The following ARHGEF4 variants were observed in gnomAD, a reference collection of about 807,000 sequenced individuals.
ARHGEF4 encodes the protein APC-stimulated guanine nucleotide exchange factor 1.
In ARHGEF4, 119 loss-of-function variants were observed where a neutral mutation model predicts 162.0. The observed-to-expected ratio is 0.73, with a 90% CI of 0.63 to 0.86. The LOEUF is 0.86. Among genes scored for constraint, ARHGEF4 ranks in the 40% least tolerant of loss-of-function variants. The pLI, the probability that ARHGEF4 is intolerant of heterozygous loss-of-function variation, is 0.00. For missense variants in ARHGEF4, 2,488 were observed against 2,456.0 expected (o/e 1.01, Z -0.28); for synonymous variants, 1,014 against 979.9 (o/e 1.03, Z -0.65).
chr2:130,869,166 T>C (rs1007048951), intron 1 of ARHGEF4, among the ~76,000 whole-genome samples: 10 of 152,070 alleles, frequency 6.6e-5, no homozygotes, highest in Non-Finnish European at 1.3e-4. Context: ...GATACAGCTG[T>C]CATATTTGAG....
At position 130,836,914 on chromosome 2, in the gene ARHGEF4, G is replaced by A. The variant is rs993102697; in HGVS notation, c.-40G>A. 2 of 1,220,042 alleles carry A rather than the reference G, an allele frequency of 1.6e-6. No homozygotes were observed. Among genetic ancestry groups the A allele is most frequent in the East Asian group, 3.2e-5 (1 of 30,816 alleles). 75.6% of individuals were successfully genotyped at this position (1,220,042 alleles called of 1,614,324 possible). A position where few individuals can be genotyped will look rare whatever the true frequency, so the allele number is the denominator to read the frequency against. ...TGGAGCCGGCTCGGCGGCGCGGCTC[G>A]TAGTGCTGCGGCCGGGCTCCGGGCG... On this transcript the variant is annotated 5_prime_UTR_variant, in exon 1 of 14. Coordinates refer to ENST00000409359, the MANE Select transcript of ARHGEF4 (RefSeq NM_001367493.1).
In ARHGEF4 at chr2:130,889,919, T is replaced by C. The variant is rs535728923; in HGVS notation, c.40-24067T>C. On this transcript the variant is annotated intron_variant, in intron 1 of 13. Transcript: ENST00000409359. Reference sequence around the variant, plus strand: ...CTTTTAGCGTATTGAGATTTCATTCTACTGTTTTCTGGCTCCTATTGATGC... The same window carrying C: ...CTTTTAGCGTATTGAGATTTCATTCCACTGTTTTCTGGCTCCTATTGATGC... 3.2e-4 allele frequency among the ~76,000 whole-genome samples: 49 copies of C among 152,234 alleles called. 1 individual carries two copies. In the South Asian group the frequency reaches 0.01, roughly 32 times the overall value.
intron 4 of ARHGEF4, among the ~76,000 whole-genome samples, chr2:130,986,636 C>T (rs967435259): frequency 2.6e-5 from 4 of 152,126 alleles, no homozygotes; most frequent in East Asian, 1.9e-4. Context: ...GGGTGACCAC[C>T]GGACGGTCTT....
At chr2:131,039,264 T>C (rs1006706853) in intron 6 of ARHGEF4, 2 of 1,292,798 alleles carry the variant, frequency 1.5e-6, no homozygotes, top group Non-Finnish European at 2.0e-6. Context: ...GAGAAATGAG[T>C]GTGTGCAGAC....
At chr2:130,925,940 G>A (rs1386440876) in intron 2 of ARHGEF4, among the ~76,000 whole-genome samples, 1 of 151,740 alleles carries the variant, frequency 6.6e-6, no homozygotes, top group Non-Finnish European at 1.5e-5. Flanking sequence ...CTCTCTTTTG[G>A]ACTCCAGTTA....
chr2:131,036,601 C>G (rs1690303344), intron 5 of ARHGEF4, among the ~76,000 whole-genome samples: 1 of 152,204 alleles, frequency 6.6e-6, no homozygotes, highest in Admixed American at 6.5e-5. Context: ...CGGACCCAGT[C>G]CCACCTGCAG....
At position 130,900,952 on chromosome 2, in the gene ARHGEF4, C is replaced by T. The variant is rs373349387; in HGVS notation, c.40-13034C>T. 2.6e-5 allele frequency among the ~76,000 whole-genome samples: 4 copies of T among 152,180 alleles called. No homozygotes were observed. In the East Asian group the frequency reaches 5.8e-4, roughly 22 times the overall value. On this transcript the variant is annotated intron_variant, in intron 1 of 13. Coordinates refer to ENST00000409359, the MANE Select transcript of ARHGEF4 (RefSeq NM_001367493.1). ...GTTGGCTTCTCGCTTCTGCTTGGGC[C>T]TTCTTTTGATCTCTGTTGGTGATGT...
At chr2:130,908,414 C>T (rs1167604524) in intron 1 of ARHGEF4, among the ~76,000 whole-genome samples, 2 of 152,300 alleles carry the variant, frequency 1.3e-5, no homozygotes, top group South Asian at 2.1e-4. Context: ...TGGTGGCTCA[C>T]GCCTGTAATC....
intron 1 of ARHGEF4, among the ~76,000 whole-genome samples, chr2:130,865,323 AACCCAGGAGATGTTGT>A (rs1299164832): frequency 2.0e-5 from 3 of 152,266 alleles, no homozygotes; most frequent in Non-Finnish European, 2.9e-5. Context: ...CTTCTGGGGT[AACCCAGGAGATGTTGT>A]ACAGTCCAGT....
intron 1 of ARHGEF4, among the ~76,000 whole-genome samples, chr2:130,859,381 C>A (rs1681921156): frequency 1.0e-5 from 1 of 98,618 alleles, no homozygotes; most frequent in African/African-American, 2.8e-5. Context: ...GGGCAAGAGT[C>A]CATCTCAAAA....
chr2:130,997,257 A>G (rs1687453121), intron 4 of ARHGEF4, among the ~76,000 whole-genome samples: 1 of 152,152 alleles, frequency 6.6e-6, no homozygotes, highest in African/African-American at 2.4e-5. Flanking sequence ...TCGTTTTGCT[A>G]TTATGAATAC....
Position 131,041,416 on chromosome 2 carries a change from C to T in ARHGEF4, c.4849C>T (p.Pro1617Ser). The change falls in exon 9 of 14, where the codon CCT becomes TCT. Residue 1617 changes from proline to serine, a missense_variant. Pro to Ser is a moderately conservative substitution (Grantham distance 74). Transcript: ENST00000409359. The part of the protein sequence containing the change: ...LTPVQKICKY[P>S]LQLAELLKYT... Reference sequence around the variant, plus strand: ...TCCGGTGCAGAAGATCTGCAAGTACCCTCTGCAGCTGGCCGAGCTGCTCAA... The same window carrying T: ...TCCGGTGCAGAAGATCTGCAAGTACTCTCTGCAGCTGGCCGAGCTGCTCAA... 6.2e-7 allele frequency: 1 copy of T among 1,613,204 alleles called. No individual in the cohort carries two copies. The highest frequency in any genetic ancestry group is 8.5e-7 in the Non-Finnish European group (1 of 1,180,024).
intron 2 of ARHGEF4, among the ~76,000 whole-genome samples, chr2:130,917,819 TTTTC>T (rs1681606905): frequency 9.0e-6 from 1 of 110,890 alleles, no homozygotes; most frequent in Non-Finnish European, 1.7e-5. Flanking sequence ...CTTTTTCTTT[TTTTC>T]TTTTTTTTTT....
At chr2:130,840,428 A>G (rs901627367) in intron 1 of ARHGEF4, among the ~76,000 whole-genome samples, 2 of 152,216 alleles carry the variant, frequency 1.3e-5, no homozygotes, top group African/African-American at 4.8e-5. Context: ...GGGGGGATGC[A>G]GCAGCGTCTT....
chr2:130,968,872 TGCGC>T (rs1685171283), intron 4 of ARHGEF4, among the ~76,000 whole-genome samples: 1 of 152,042 alleles, frequency 6.6e-6, no homozygotes, highest in Admixed American at 6.6e-5. Context: ...GAGCCGAGAC[TGCGC>T]CACTGCACTC....
intron 1 of ARHGEF4, among the ~76,000 whole-genome samples, chr2:130,870,788 G>A (rs1358704571): frequency 6.6e-6 from 1 of 152,112 alleles, no homozygotes; most frequent in Non-Finnish European, 1.5e-5. Context: ...AGCGAGACAT[G>A]GGGGTTGGCG....
At chr2:130,879,589 A>G (rs901288039) in intron 1 of ARHGEF4, among the ~76,000 whole-genome samples, 5 of 152,094 alleles carry the variant, frequency 3.3e-5, no homozygotes, top group Non-Finnish European at 7.4e-5. Flanking sequence ...ACACTTTCCC[A>G]ATGCCCACAC....
chr2:130,940,000 ACTAT>A (rs534295293), intron 3 of ARHGEF4, among the ~76,000 whole-genome samples: 303 of 152,266 alleles, frequency 2.0e-3, no homozygotes, highest in African/African-American at 6.7e-3. Context: ...ATTACTGGAA[ACTAT>A]CTATGTAAGC....
In ARHGEF4 at chr2:131,044,494, A is replaced by G. The variant is rs1312916452; in HGVS notation, c.5353A>G (p.Lys1785Glu). The G allele has an allele frequency of 6.4e-7, 1 of 1,551,988 alleles. No individual in the cohort carries two copies. The highest frequency in any genetic ancestry group is 1.4e-5 in the African/African-American group (1 of 73,140). ...RKPEQKQRWL[K>E]AFAREREQVQ... The stretch of plus-strand genomic sequence containing the variant: ...GCCCGAGCAGAAGCAGCGCTGGCTC[A>G]AGGCCTTTGCCAGGGAGAGGGAGCA... The change falls in exon 12 of 14, where the codon AAG becomes GAG. Residue 1785 changes from lysine (K) to glutamate (E), a missense_variant. Physicochemically the swap from Lys to Glu is moderately conservative, Grantham distance 56 (BLOSUM62 1). This residue lies in a region of ARHGEF4 where 415 missense variants were observed against 512.4 expected (regional missense o/e 0.81). Transcript: ENST00000409359.
Sources: allele counts gnomAD v4.1 joint callset (sites outside exome capture counted in the v4.1 genomes callset), GRCh38; gene constraint gnomAD v4.1.1; regional missense constraint gnomAD v4.1.1; transcripts MANE v1.5; gene names NCBI Gene and HGNC (gene_info 2026-07-23, HGNC 2026-07-21).